PDCD1LG2: variants seen among roughly 807,000 people sequenced by gnomAD.
PDCD1LG2 encodes the protein programmed cell death 1 ligand 2, also known as B7 dendritic cell molecule.
PDCD1LG2 carries 32 observed loss-of-function variants against 28.2 expected under a neutral mutation model. That is an observed-to-expected ratio of 1.13 (90% CI 0.86 to 1.52). PDCD1LG2 has a LOEUF of 1.52. Ranked by LOEUF, PDCD1LG2 falls within the 40% of genes most tolerant of loss-of-function variation. The probability of loss-of-function intolerance (pLI) is 0.00; values close to 1 mark genes in which losing one functional copy is unlikely to be tolerated. For synonymous variants in PDCD1LG2, 116 were observed against 120.2 expected (o/e 0.97, Z 0.23); for missense variants, 385 against 323.8 (o/e 1.19, Z -1.45).
At chr9:5,550,698 TC>T (rs200309619) in intron 4 of PDCD1LG2, among the ~76,000 whole-genome samples, 1,813 of 132,134 alleles carry the variant, frequency 0.014, 32 homozygotes, top group African/African-American at 0.043. Flanking sequence ...TCTCTCTCTC[TC>T]TTTTTTTTTT....
intron 3 of PDCD1LG2, among the ~76,000 whole-genome samples, chr9:5,544,546 T>C (rs1191410114): frequency 6.6e-6 from 1 of 152,216 alleles, no homozygotes. Flanking sequence ...CACAGGAGTC[T>C]GCCTTCCTGC....
intron 6 of PDCD1LG2, among the ~76,000 whole-genome samples, chr9:5,568,887 T>C (rs1238293675): frequency 2.0e-5 from 3 of 152,142 alleles, no homozygotes; most frequent in Non-Finnish European, 4.4e-5. Flanking sequence ...AGTTCAGAGA[T>C]GGGGACAAAT....
intron 1 of PDCD1LG2, among the ~76,000 whole-genome samples, chr9:5,513,968 T>G (rs1820108651): frequency 6.6e-6 from 1 of 152,230 alleles, no homozygotes; most frequent in African/African-American, 2.4e-5. Flanking sequence ...TTCAGGTATT[T>G]CAGATCAATT....
chr9:5,554,732 T>C (rs1816403386), intron 4 of PDCD1LG2, among the ~76,000 whole-genome samples: 1 of 152,202 alleles, frequency 6.6e-6, no homozygotes, highest in Non-Finnish European at 1.5e-5. Context: ...AAAAGGACCC[T>C]TGTAGGGCTG....
At chr9:5,518,577 A>G (rs1489180592) in intron 1 of PDCD1LG2, among the ~76,000 whole-genome samples, 1 of 152,240 alleles carries the variant, frequency 6.6e-6, no homozygotes, top group East Asian at 1.9e-4. Context: ...AAGCTAAGGT[A>G]TGCCATGAGC....
chr9:5,535,466 A>G (rs931997690), intron 3 of PDCD1LG2, among the ~76,000 whole-genome samples: 3 of 152,224 alleles, frequency 2.0e-5, no homozygotes, highest in East Asian at 1.9e-4. Context: ...GGATTAAAAT[A>G]TCAATTTAGT....
At chr9:5,563,348 C>G in intron 6 of PDCD1LG2, 137 bp downstream of exon 6, 1 of 779,070 alleles carries the variant, frequency 1.3e-6, no homozygotes. Flanking sequence ...TGTTTGGTAG[C>G]ATTTCAGCGA....
intron 1 of PDCD1LG2, among the ~76,000 whole-genome samples, chr9:5,514,173 A>T (rs900458420): frequency 4.6e-5 from 7 of 152,242 alleles, no homozygotes; most frequent in Non-Finnish European, 7.3e-5. Flanking sequence ...TAGAATGTCT[A>T]TGCCTCACTT....
intron 6 of PDCD1LG2, among the ~76,000 whole-genome samples, chr9:5,567,610 T>C (rs533771965): frequency 2.5e-4 from 38 of 152,340 alleles, no homozygotes; most frequent in Admixed American, 1.2e-3. Context: ...GATTATGACA[T>C]TGGGGGCTAA....
At chr9:5,536,349 G>A (rs1054608191) in intron 3 of PDCD1LG2, among the ~76,000 whole-genome samples, 3 of 152,188 alleles carry the variant, frequency 2.0e-5, no homozygotes, top group African/African-American at 4.8e-5. Context: ...AAGACCCTCA[G>A]TTGTTACAGG....
intron 1 of PDCD1LG2, among the ~76,000 whole-genome samples, chr9:5,514,772 GAAAAAAAAAA>G (rs60002651): frequency 6.4e-5 from 4 of 62,394 alleles, no homozygotes; most frequent in African/African-American, 1.1e-4. Context: ...AGTCTCTAAA[GAAAAAAAAAA>G]AAAAAAAAAA....
At chr9:5,520,130 A>T (rs1417783035) in intron 1 of PDCD1LG2, among the ~76,000 whole-genome samples, 1 of 151,912 alleles carries the variant, frequency 6.6e-6, no homozygotes, top group Non-Finnish European at 1.5e-5. Flanking sequence ...TAGCCCCCTA[A>T]AAAAAAATCT....
intron 3 of PDCD1LG2, among the ~76,000 whole-genome samples, chr9:5,544,177 G>A (rs1270533125): frequency 6.6e-6 from 1 of 152,164 alleles, no homozygotes; most frequent in African/African-American, 2.4e-5. Context: ...TTAAACCTGT[G>A]GAAATCTAAA....
chr9:5,522,601 G>A lies in PDCD1LG2; in HGVS notation c.55G>A (p.Ala19Thr), dbSNP rs1820296746. The change falls in exon 2 of 7, where the codon GCT becomes ACT. Residue 19 changes from alanine to threonine, a missense_variant and splice_region_variant. By Grantham distance (58) the Ala-to-Thr change is moderately conservative. Coordinates refer to ENST00000397747, the MANE Select transcript of PDCD1LG2 (RefSeq NM_025239.4). ...SLELQLHQIA[A>T]LFTVTVPKEL... ...GGAATTGCAGCTTCACCAGATAGCA[G>A]GTAAGAAAGGACAAAGGGAGAGGCT... 6.2e-7 allele frequency: 1 copy of A among 1,613,436 alleles called. No individual in the cohort carries two copies. Among genetic ancestry groups the A allele is most frequent in the East Asian group, 2.2e-5 (1 of 44,870 alleles).
At chr9:5,562,045 G>C (rs143630732) in intron 5 of PDCD1LG2, among the ~76,000 whole-genome samples, 157 of 152,294 alleles carry the variant, frequency 1.0e-3, no homozygotes, top group African/African-American at 3.6e-3. Flanking sequence ...GGATAGTCAT[G>C]AGGGAATTAC....
Position 5,549,558 on chromosome 9 carries a change from G to C in PDCD1LG2, c.585G>C (p.Trp195Cys), listed in dbSNP as rs2129878047. 6.2e-7 allele frequency: 1 copy of C among 1,614,170 alleles called. No homozygotes were observed. The highest frequency in any genetic ancestry group is 1.1e-5 in the South Asian group (1 of 91,078). The change falls in exon 4 of 7, where the codon TGG becomes TGC. Residue 195 changes from tryptophan to cysteine, a missense_variant. Trp to Cys is a radical substitution (Grantham distance 215). Transcript: ENST00000397747. ...GCAGAAACTTCAGCTGTGTGTTCTG[G>C]AATACTCACGTGAGGGAACTTACTT... is the stretch of plus-strand genomic sequence containing the variant. The part of the protein sequence containing the change: ...PPGRNFSCVF[W>C]NTHVRELTLA...
intron 2 of PDCD1LG2, among the ~76,000 whole-genome samples, chr9:5,528,220 ATAT>A (rs1324873918): frequency 6.8e-6 from 1 of 148,036 alleles, no homozygotes; most frequent in Non-Finnish European, 1.5e-5. Flanking sequence ...ATATATTTAT[ATAT>A]TATTTTATAA....
At chr9:5,529,513 T>A (rs1279367372) in intron 2 of PDCD1LG2, among the ~76,000 whole-genome samples, 1 of 152,210 alleles carries the variant, frequency 6.6e-6, no homozygotes, top group Non-Finnish European at 1.5e-5. Flanking sequence ...TATGTGTATA[T>A]CCTTTTGCAA....
chr9:5,566,408 A>C (rs754641454), intron 6 of PDCD1LG2, among the ~76,000 whole-genome samples: 1 of 152,172 alleles, frequency 6.6e-6, no homozygotes, highest in Non-Finnish European at 1.5e-5. Context: ...CTCTGTGATT[A>C]ATTTGTAGTT....
Sources: allele counts gnomAD v4.1 joint callset (sites outside exome capture counted in the v4.1 genomes callset), GRCh38; gene constraint gnomAD v4.1.1; transcripts MANE v1.5; gene names NCBI Gene and HGNC (gene_info 2026-07-23, HGNC 2026-07-21).